The following SLC14A2 variants were observed in gnomAD, a reference collection of about 807,000 sequenced individuals.
The protein encoded by SLC14A2 is urea transporter 2.
SLC14A2 carries 91 observed loss-of-function variants against 104.6 expected under a neutral mutation model. That is an observed-to-expected ratio of 0.87 (90% confidence interval 0.73 to 1.04). SLC14A2 has a LOEUF of 1.04. SLC14A2 is among the 50% of genes least tolerant of loss of function. The pLI is 0.00. For synonymous variants in SLC14A2, 476 were observed against 466.4 expected (o/e 1.02, Z -0.27); for missense variants, 1,189 against 1,156.0 (o/e 1.03, Z -0.41).
intron 1 of SLC14A2, among the ~76,000 whole-genome samples, chr18:45,266,180 G>T (rs1256724655): frequency 1.3e-5 from 2 of 152,150 alleles, no homozygotes; most frequent in African/African-American, 4.8e-5. Context: ...ATCCTGAGGA[G>T]TGTGCTAGAA....
chr18:45,469,651 A>C lies in SLC14A2; in HGVS notation c.-124-13582A>C, dbSNP rs922869355. ...GTTTCCTGTGCCTGGTGGGGGTTGG[A>C]GGCAAAGAAGGCTCCCCAGAGGAAG... On this transcript the variant is annotated intron_variant, in intron 1 of 20. Transcript: ENST00000586448. Among the ~76,000 whole-genome samples, 3 of 152,254 alleles carry C rather than the reference A, an allele frequency of 2.0e-5. No homozygotes were observed. The South Asian group carries it at 6.2e-4, about 32-fold the overall frequency.
intron 10 of SLC14A2, 95 bp downstream of exon 10, chr18:45,644,255 C>A (rs1249632174): frequency 1.6e-5 from 20 of 1,234,778 alleles, no homozygotes; most frequent in Admixed American, 5.9e-5. Context: ...GCAGCACTCA[C>A]CTTCTTTGCC....
chr18:45,269,670 T>C (rs1295419453), intron 1 of SLC14A2, among the ~76,000 whole-genome samples: 2 of 152,178 alleles, frequency 1.3e-5, no homozygotes, highest in South Asian at 4.1e-4. Flanking sequence ...TACTATGTGC[T>C]TCCCAATCTC....
chr18:45,628,430 G>A (rs1237608642), intron 4 of SLC14A2, among the ~76,000 whole-genome samples: 6 of 138,676 alleles, frequency 4.3e-5, no homozygotes, highest in South Asian at 2.5e-4. Context: ...GTGACAGAGC[G>A]AGACTCTGCC....
At chr18:45,300,123 G>T (rs115108361) in intron 1 of SLC14A2, among the ~76,000 whole-genome samples, 89 of 152,114 alleles carry the variant, frequency 5.9e-4, no homozygotes, top group African/African-American at 2.0e-3. Flanking sequence ...AGGCTATCAC[G>T]AGAAAGGAAA....
intron 2 of SLC14A2, among the ~76,000 whole-genome samples, chr18:45,567,369 T>C (rs1460096776): frequency 1.3e-5 from 2 of 152,128 alleles, no homozygotes; most frequent in Non-Finnish European, 2.9e-5. Context: ...TTGACCTCCC[T>C]ACCTCCAAGT....
the SLC14A2 span, among the ~76,000 whole-genome samples, chr18:45,177,663 C>T: frequency 6.6e-6 from 1 of 152,094 alleles, no homozygotes; most frequent in Non-Finnish European, 1.5e-5. Context: ...ATATTCACTC[C>T]ATTACTCTTT....
intron 1 of SLC14A2, among the ~76,000 whole-genome samples, chr18:45,318,597 G>A (rs1220451790): frequency 6.6e-6 from 1 of 152,136 alleles, no homozygotes; most frequent in Non-Finnish European, 1.5e-5. Context: ...AGACCAGCCT[G>A]ACCAACATGG....
In SLC14A2 at chr18:45,234,662, C is replaced by A. The variant is rs537381496; in HGVS notation, c.-125+21471C>A. On this transcript the variant is annotated intron_variant, in intron 1 of 20. Coordinates refer to the SLC14A2 transcript ENST00000586448. ...TCTTTTGGCTTCCCTTCTGTGTTCA[C>A]ACCACAAATCAAGCATGCTTTGTCC... is the stretch of plus-strand genomic sequence containing the variant. 4.6e-5 allele frequency among the ~76,000 whole-genome samples: 7 copies of A among 152,312 alleles called. No individual in the cohort carries two copies. The South Asian group carries it at 1.4e-3, about 32-fold the overall frequency.
chr18:45,424,187 G>C (rs1176480880), intron 1 of SLC14A2: 1 of 152,220 alleles, frequency 6.6e-6, no homozygotes, highest in Non-Finnish European at 1.5e-5. Context: ...GAAGTACACT[G>C]TTTAAAAGGC....
Position 45,632,331 on chromosome 18 carries a change from C to A in SLC14A2, c.522-19C>A. 6.2e-7 allele frequency: 1 copy of A among 1,607,408 alleles called. No individual in the cohort carries two copies. The highest frequency in any genetic ancestry group is 2.2e-5 in the East Asian group (1 of 44,578). On this transcript the variant is annotated intron_variant, in intron 4 of 19. Coordinates refer to ENST00000255226, the MANE Select transcript of SLC14A2 (RefSeq NM_007163.4). ...ACACCACCAACTTCAAATGCAAAAT[C>A]AGTCTGTTTCACCGCCAGGTCTGCC...
In SLC14A2 at chr18:45,565,444, G is replaced by A. The variant is rs138406249; in HGVS notation, c.-34-59187G>A. On this transcript the variant is annotated intron_variant, in intron 2 of 20. Coordinates refer to the SLC14A2 transcript ENST00000586448. ...CCCAGCCGCATGCATGTGCTTCTAC[G>A]TGAGCATGCATGTGCATATGTTGTG... is the stretch of plus-strand genomic sequence containing the variant. Among the ~76,000 whole-genome samples, 307 of 152,296 alleles carry A rather than the reference G, an allele frequency of 2.0e-3. 1 individual carries two copies. Among genetic ancestry groups the A allele is most frequent in the African/African-American group, 6.8e-3 (282 of 41,568 alleles).
At chr18:45,679,127 C>T in intron 19 of SLC14A2, 103 bp downstream of exon 19, 3 of 1,031,012 alleles carry the variant, frequency 2.9e-6, no homozygotes, top group East Asian at 4.9e-5. Flanking sequence ...AACTCTTCCC[C>T]AGTTCATCTC....
At chr18:45,221,220 A>T (rs1011346796) in intron 1 of SLC14A2, among the ~76,000 whole-genome samples, 1 of 152,066 alleles carries the variant, frequency 6.6e-6, no homozygotes, top group Non-Finnish European at 1.5e-5. Flanking sequence ...CATGGTCAAG[A>T]TTTTCTTCTT....
chr18:45,486,818 G>A (rs1023560980), intron 2 of SLC14A2, among the ~76,000 whole-genome samples: 1 of 152,136 alleles, frequency 6.6e-6, no homozygotes, highest in African/African-American at 2.4e-5. Context: ...AAAGATAAAT[G>A]TTGCAAAGTA....
At chr18:45,303,452 GT>G (rs1342240674) in intron 1 of SLC14A2, among the ~76,000 whole-genome samples, 1 of 152,192 alleles carries the variant, frequency 6.6e-6, no homozygotes, top group East Asian at 1.9e-4. Context: ...GCCATATTCA[GT>G]TTGCTTTAAC....
chr18:45,176,863 A>G, the SLC14A2 span, among the ~76,000 whole-genome samples: 8 of 152,160 alleles, frequency 5.3e-5, no homozygotes, highest in Non-Finnish European at 1.2e-4. Context: ...GCACAGGTCC[A>G]TTTGCCAAAG....
intron 2 of SLC14A2, among the ~76,000 whole-genome samples, chr18:45,520,943 C>T (rs972526517): frequency 2.6e-5 from 4 of 152,162 alleles, no homozygotes; most frequent in African/African-American, 9.7e-5. Flanking sequence ...TGATTGGGTG[C>T]TTCCCCAGCA....
At chr18:45,573,711 A>C (rs1012465759) in intron 2 of SLC14A2, among the ~76,000 whole-genome samples, 1 of 152,258 alleles carries the variant, frequency 6.6e-6, no homozygotes, top group African/African-American at 2.4e-5. Flanking sequence ...TCCCTCCATC[A>C]ATCTGCCTAT....
Sources: gnomAD v4.1 joint callset for allele counts (sites outside exome capture counted in the v4.1 genomes callset) on GRCh38, gnomAD v4.1.1 for gene constraint, MANE v1.5 for transcripts, NCBI Gene and HGNC (gene_info 2026-07-23, HGNC 2026-07-21) for gene names.